Variants in NDUFA10 observed in about 807,000 individuals in gnomAD.
The protein encoded by NDUFA10 is NADH dehydrogenase [ubiquinone] 1 alpha subcomplex subunit 10, mitochondrial.
A neutral mutation model predicts 47.8 loss-of-function variants in NDUFA10; 40 were observed. The observed-to-expected ratio is 0.84, with a 90% CI of 0.65 to 1.09. The LOEUF (loss-of-function observed/expected upper bound fraction) is 1.09, where lower values mean the gene tolerates loss of function less well. NDUFA10 is among the 50% of genes least tolerant of loss of function. NDUFA10 has a pLI of 0.00. For missense variants in NDUFA10, 413 were observed against 451.1 expected (o/e 0.92, Z 0.76); for synonymous variants, 183 against 172.2 (o/e 1.06, Z -0.49).
chr2:239,920,212 G>A (rs1209260533), intron 4 of NDUFA10, among the ~76,000 whole-genome samples: 1 of 152,228 alleles, frequency 6.6e-6, no homozygotes, highest in Non-Finnish European at 1.5e-5. Context: ...GGGTTCAGCA[G>A]GAAGGTGGGG....
At chr2:240,019,988 G>T (rs1304463334) in intron 3 of NDUFA10, among the ~76,000 whole-genome samples, 1 of 152,170 alleles carries the variant, frequency 6.6e-6, no homozygotes, top group East Asian at 1.9e-4. Context: ...CAAGATCAGG[G>T]TTTACGTTCA....
At chr2:240,008,665 C>A (rs996869151) in intron 6 of NDUFA10, among the ~76,000 whole-genome samples, 1 of 152,234 alleles carries the variant, frequency 6.6e-6, no homozygotes, top group African/African-American at 2.4e-5. Flanking sequence ...CAAGAGTGGT[C>A]ATGAGAGATC....
intron 7 of NDUFA10, among the ~76,000 whole-genome samples, chr2:240,006,686 T>C (rs2106473716): frequency 6.6e-6 from 1 of 152,364 alleles, no homozygotes; most frequent in Middle Eastern, 3.4e-3. Flanking sequence ...AATTTTCCTC[T>C]ACTTCATTTT....
chr2:239,979,005 T>C (rs1267926748), intron 9 of NDUFA10, among the ~76,000 whole-genome samples: 1 of 152,202 alleles, frequency 6.6e-6, no homozygotes, highest in Non-Finnish European at 1.5e-5. Context: ...TGTTTCAATA[T>C]ATAAGCTCCA....
At chr2:239,905,310 G>A (rs1693630424) in intron 4 of NDUFA10, among the ~76,000 whole-genome samples, 1 of 152,172 alleles carries the variant, frequency 6.6e-6, no homozygotes, top group African/African-American at 2.4e-5. Context: ...ACAGAGGAGG[G>A]GCAGTGCTTC....
intron 4 of NDUFA10, among the ~76,000 whole-genome samples, chr2:239,943,276 G>A (rs963752552): frequency 1.3e-5 from 2 of 152,376 alleles, no homozygotes; most frequent in African/African-American, 2.4e-5. Flanking sequence ...AGAGCCACAC[G>A]AATCTGCCTT....
chr2:239,935,101 C>T (rs1361842977), intron 4 of NDUFA10, among the ~76,000 whole-genome samples: 1 of 152,204 alleles, frequency 6.6e-6, no homozygotes, highest in Non-Finnish European at 1.5e-5. Context: ...ATAGCACCTG[C>T]CATGTCCTTC....
chr2:239,971,289 G>A (rs191808268), intron 9 of NDUFA10, among the ~76,000 whole-genome samples: 1 of 152,206 alleles, frequency 6.6e-6, no homozygotes, highest in Non-Finnish European at 1.5e-5. Context: ...TACATCGCAA[G>A]GGTCTCCAAG....
intron 9 of NDUFA10, among the ~76,000 whole-genome samples, chr2:239,977,551 G>T (rs865837793): frequency 6.6e-6 from 1 of 152,174 alleles, no homozygotes. Context: ...CTGGACGACC[G>T]TGCCCCTTAA....
chr2:240,002,878 G>A (rs1696783409), intron 8 of NDUFA10, among the ~76,000 whole-genome samples: 1 of 152,092 alleles, frequency 6.6e-6, no homozygotes, highest in Admixed American at 6.5e-5. Flanking sequence ...TTGAGAGACA[G>A]AGTCTCTGTC....
intron 9 of NDUFA10, among the ~76,000 whole-genome samples, chr2:239,968,271 A>T: frequency 6.6e-6 from 1 of 152,220 alleles, no homozygotes; most frequent in East Asian, 1.9e-4. Flanking sequence ...GCCATTCAGG[A>T]GGAGGGAGGA....
chr2:239,910,753 C>T (rs186457985), intron 4 of NDUFA10, among the ~76,000 whole-genome samples: 81 of 152,228 alleles, frequency 5.3e-4, no homozygotes, highest in African/African-American at 7.5e-4. Flanking sequence ...ATCATGTGAC[C>T]GAGATGACCA....
In NDUFA10 at chr2:240,022,429, C is replaced by A. The variant is rs1402545243; in HGVS notation, c.76-89G>T. The A allele has an allele frequency of 5.1e-6, 8 of 1,572,650 alleles. No individual in the cohort carries two copies. The African/African-American group carries it at 1.1e-4, about 21-fold the overall frequency. On this transcript the variant is annotated intron_variant, in intron 1 of 9. Coordinates refer to ENST00000252711, the MANE Select transcript of NDUFA10 (RefSeq NM_004544.4). ...ACTATTAGGTAAAAATACCAAGAAACCTCTTAGTGATAAAAATGCCAACAT... is the reference window on the plus strand; with the variant it reads ...ACTATTAGGTAAAAATACCAAGAAAACTCTTAGTGATAAAAATGCCAACAT...
intron 3 of NDUFA10, among the ~76,000 whole-genome samples, chr2:240,020,920 T>C (rs1697593725): frequency 6.6e-6 from 1 of 152,198 alleles, no homozygotes; most frequent in African/African-American, 2.4e-5. Flanking sequence ...ACATTTCATA[T>C]ATAAATGAAT....
chr2:240,003,628 C>CA lies in NDUFA10; in HGVS notation c.890+1581dup, dbSNP rs200747684. 8.8e-3 allele frequency among the ~76,000 whole-genome samples: 1,340 copies of CA among 152,332 alleles called. 18 individuals are homozygous for CA. Among genetic ancestry groups the CA allele is most frequent in the African/African-American group, 0.031 (1,272 of 41,576 alleles). On this transcript the variant is annotated intron_variant, in intron 8 of 9. Coordinates refer to ENST00000252711, the MANE Select transcript of NDUFA10 (RefSeq NM_004544.4). Reference sequence around the variant, plus strand: ...TTTATAAATAATCAGAATTATGATACAACAGCACTTCTCATTACAAAATCA... The same window carrying CA: ...TTTATAAATAATCAGAATTATGATACAAACAGCACTTCTCATTACAAAATCA...
chr2:239,974,924 G>A (rs60295850), intron 9 of NDUFA10, among the ~76,000 whole-genome samples: 1,618 of 86,186 alleles, frequency 0.019, 10 homozygotes, highest in Admixed American at 0.023. Flanking sequence ...GTGACACTCC[G>A]CCACCAAAGA....
At chr2:239,948,072 G>A (rs545355373) in intron 4 of NDUFA10, among the ~76,000 whole-genome samples, 41 of 152,262 alleles carry the variant, frequency 2.7e-4, no homozygotes, top group Admixed American at 8.5e-4. Flanking sequence ...AAGCTCTGTC[G>A]TCACTACAGC....
intron 9 of NDUFA10, among the ~76,000 whole-genome samples, chr2:239,975,773 C>A (rs945250325): frequency 2.6e-5 from 4 of 152,172 alleles, no homozygotes; most frequent in Non-Finnish European, 5.9e-5. Context: ...AGCCTCTCCC[C>A]ACCTCGCAGG....
At chr2:239,963,912 C>T (rs1283540973) in intron 9 of NDUFA10, among the ~76,000 whole-genome samples, 2 of 152,154 alleles carry the variant, frequency 1.3e-5, no homozygotes, top group African/African-American at 2.4e-5. Flanking sequence ...CGGGGCCTCG[C>T]GTCACGGTCA....
Sources: allele counts gnomAD v4.1 joint callset (sites outside exome capture counted in the v4.1 genomes callset), GRCh38; gene constraint gnomAD v4.1.1; transcripts MANE v1.5; gene names NCBI Gene and HGNC (gene_info 2026-07-23, HGNC 2026-07-21).